PDIA6: variants seen among roughly 807,000 people sequenced by gnomAD.
PDIA6 encodes the protein protein disulfide-isomerase A6.
A neutral mutation model predicts 58.4 loss-of-function variants in PDIA6; 29 were observed. The ratio of observed to expected loss-of-function variants is 0.50; its 90% CI spans 0.37 to 0.68. The LOEUF (loss-of-function observed/expected upper bound fraction) is 0.68. PDIA6 is among the 30% of genes least tolerant of loss of function. The probability of loss-of-function intolerance (pLI) is 0.00; values close to 1 mark genes in which losing one functional copy is unlikely to be tolerated. For synonymous variants in PDIA6, 192 were observed against 202.6 expected (o/e 0.95, Z 0.44); for missense variants, 480 against 551.0 (o/e 0.87, Z 1.29).
At chr2:10,835,644 G>T (rs1252737436), upstream of PDIA6, among the ~76,000 whole-genome samples, 1 of 152,206 alleles carries the variant, frequency 6.6e-6, no homozygotes, top group Non-Finnish European at 1.5e-5. Flanking sequence ...AGGAAACCCA[G>T]CCTGGGTTTG....
At chr2:10,826,206 A>G (rs537412433) in intron 1 of PDIA6, among the ~76,000 whole-genome samples, 1 of 152,362 alleles carries the variant, frequency 6.6e-6, no homozygotes, top group African/African-American at 2.4e-5. Flanking sequence ...TGCTAAGTGG[A>G]AGAAGCCAGA....
intron 3 of PDIA6, 140 bp from the exon 4 acceptor site, chr2:10,797,347 G>T: frequency 1.3e-6 from 1 of 741,340 alleles, no homozygotes; most frequent in Non-Finnish European, 2.1e-6. Context: ...AAGGGCTTTA[G>T]CCTTGAACAC....
At chr2:10,786,730 G>C (rs1665779224) in intron 11 of PDIA6, among the ~76,000 whole-genome samples, 1 of 152,114 alleles carries the variant, frequency 6.6e-6, no homozygotes, top group Admixed American at 6.5e-5. Flanking sequence ...ACCTCTTTAG[G>C]TCAATGCCCT....
intron 1 of PDIA6, among the ~76,000 whole-genome samples, chr2:10,806,025 TAA>T (rs80344702): frequency 0.019 from 1,348 of 71,172 alleles, 35 homozygotes; most frequent in African/African-American, 0.058. Flanking sequence ...AAAGTATAAT[TAA>T]AAAAAAAAAA....
chr2:10,829,701 AATT>A (rs1286788445), intron 1 of PDIA6, among the ~76,000 whole-genome samples: 2 of 151,990 alleles, frequency 1.3e-5, no homozygotes. Context: ...CTCTTTTTTT[AATT>A]ATTATTTTTA....
chr2:10,808,881 A>G (rs1423356875), intron 1 of PDIA6, among the ~76,000 whole-genome samples: 1 of 152,092 alleles, frequency 6.6e-6, no homozygotes, highest in East Asian at 1.9e-4. Flanking sequence ...GCTGGAGTGC[A>G]GTGGTGCAAT....
intron 1 of PDIA6, among the ~76,000 whole-genome samples, chr2:10,803,084 C>T (rs1666581599): frequency 6.6e-6 from 1 of 152,194 alleles, no homozygotes; most frequent in African/African-American, 2.4e-5. Flanking sequence ...TATCTTTATT[C>T]AAATATATTT....
chr2:10,797,631 A>G (rs1666325389), intron 3 of PDIA6, 69 bp downstream of exon 3: 2 of 1,046,416 alleles, frequency 1.9e-6, no homozygotes, highest in Admixed American at 3.6e-5. Flanking sequence ...ACACAGGTGA[A>G]TATGGACATC....
exon 1 of PDIA6, chr2:10,837,700 G>C (rs753654928): frequency 2.7e-5 from 41 of 1,501,528 alleles, no homozygotes; most frequent in Non-Finnish European, 3.5e-5. Flanking sequence ...TGGGCAGCCT[G>C]GTGTGCAAGT....
rs1405512874 is a variant in PDIA6 at position 10,790,809 on chromosome 2, T to TG, written c.608dup (p.Ala204SerfsTer32). The TG allele has an allele frequency of 6.2e-7, 1 of 1,613,960 alleles. No individual in the cohort carries two copies. Reference sequence around the variant, plus strand: ...TCGTCTGCTCTTTTACTTCTGAAGCTGCGGCAGCCCACTCTGGCTCTAGGC... The same window carrying TG: ...TCGTCTGCTCTTTTACTTCTGAAGCTGGCGGCAGCCCACTCTGGCTCTAGGC... On this transcript the variant is annotated frameshift_variant, in exon 7 of 13. Transcript: ENST00000272227. LOFTEE classifies it high-confidence loss of function.
chr2:10,806,626 G>GAGAAAGAAA (rs1215474397), intron 1 of PDIA6, among the ~76,000 whole-genome samples: 1 of 142,960 alleles, frequency 7.0e-6, no homozygotes, highest in Non-Finnish European at 1.6e-5. Context: ...AAAAAATAAA[G>GAGAAAGAAA]ACAGAAAGAA....
rs775178715 is a variant in PDIA6, at chr2:10,797,068, G to T, written c.346+13C>A. 12 of 1,612,086 alleles carry T rather than the reference G, an allele frequency of 7.4e-6. No individual in the cohort carries two copies. The East Asian group carries it at 2.5e-4, about 33-fold the overall frequency. ...TCTACCAGGGGAATGAAGTAGCTAG[G>T]AAAAGTCCTTACCTTGGTAATCTTC... On this transcript the variant is annotated intron_variant, in intron 4 of 12. Coordinates refer to ENST00000272227, the MANE Select transcript of PDIA6 (RefSeq NM_005742.4).
chr2:10,807,826 A>G (rs1457737980), intron 1 of PDIA6, among the ~76,000 whole-genome samples: 2 of 152,332 alleles, frequency 1.3e-5, no homozygotes, highest in South Asian at 4.1e-4. Flanking sequence ...CAAATGTTAG[A>G]TCACTTAATT....
Position 10,789,869 on chromosome 2 carries a change from G to A in PDIA6, c.720C>T (p.Ile240=), listed in dbSNP as rs769777240. The A allele has an allele frequency of 6.8e-6, 11 of 1,613,262 alleles. No homozygotes were observed. Among genetic ancestry groups the A allele is most frequent in the African/African-American group, 5.3e-5 (4 of 74,932 alleles). ...SRYGIRGFPT[I]KIFQKGESPV... Reference sequence around the variant, plus strand: ...GAGACTCGCCTTTCTGAAATATCTTGATTGTAGGAAATCCTCTAATCTATT... The same window carrying A: ...GAGACTCGCCTTTCTGAAATATCTTAATTGTAGGAAATCCTCTAATCTATT... The change falls in exon 8 of 13, where the codon ATC becomes ATT. Residue 240 remains isoleucine, a synonymous_variant. Coordinates refer to ENST00000272227, the MANE Select transcript of PDIA6 (RefSeq NM_005742.4).
rs189599067 is a variant in PDIA6, at chr2:10,788,973, G to C, written c.849C>G (p.Asn283Lys). The change falls in exon 9 of 13, where the codon AAC becomes AAG. Residue 283 changes from asparagine to lysine, a missense_variant. Physicochemically the swap from Asn to Lys is moderately conservative, Grantham distance 94. Coordinates refer to ENST00000272227, the MANE Select transcript of PDIA6 (RefSeq NM_005742.4). The part of the protein sequence containing the change: ...APPPELLEII[N>K]EDIAKRTCEE... ...CACACGTCCTCTTGGCAATGTCCTC[G>C]TTGATAATCTGTGGGACCCAAAAGA... is the stretch of plus-strand genomic sequence containing the variant. 5.0e-6 allele frequency: 8 copies of C among 1,613,576 alleles called. No homozygotes were observed. In the African/African-American group the frequency reaches 9.3e-5, roughly 19 times the overall value.
upstream of PDIA6, among the ~76,000 whole-genome samples, chr2:10,815,204 A>G (rs1202370098): frequency 6.6e-6 from 1 of 152,202 alleles, no homozygotes; most frequent in Non-Finnish European, 1.5e-5. Flanking sequence ...GGAAATGCAC[A>G]GGCTTCCGGA....
chr2:10,837,568 C>G (rs1012527022), exon 1 of PDIA6: 1 of 786,050 alleles, frequency 1.3e-6, no homozygotes, highest in South Asian at 1.4e-5. Context: ...ATTTGATCCT[C>G]GGGACACTTT....
At position 10,784,231 on chromosome 2, in the gene PDIA6, A is replaced by C. The variant is rs751303813; in HGVS notation, c.*27T>G. ...AATCCACTGGCTCCCAAGAAAAGAA[A>C]ATGGTCTGAAGCCTCTGTTGTGGCT... On this transcript the variant is annotated 3_prime_UTR_variant, in exon 13 of 13. Transcript: ENST00000272227. The C allele has an allele frequency of 1.9e-6, 3 of 1,583,848 alleles. No homozygotes were observed. The highest frequency in any genetic ancestry group is 2.6e-6 in the Non-Finnish European group (3 of 1,160,364).
intron 1 of PDIA6, among the ~76,000 whole-genome samples, chr2:10,831,935 A>G (rs1405077458): frequency 6.9e-6 from 1 of 144,188 alleles, no homozygotes; most frequent in Non-Finnish European, 1.5e-5. Flanking sequence ...CGCTGAGGGC[A>G]GAGGCGGGCA....
Sources: gnomAD v4.1 joint callset for allele counts (sites outside exome capture counted in the v4.1 genomes callset) on GRCh38, gnomAD v4.1.1 for gene constraint, MANE v1.5 for transcripts, NCBI Gene and HGNC (gene_info 2026-07-23, HGNC 2026-07-21) for gene names.